The following CIP2A variants were observed in gnomAD, a reference collection of about 807,000 sequenced individuals.
The protein encoded by CIP2A is protein CIP2A.
Under a neutral mutation model 110.9 loss-of-function variants are expected in CIP2A, and 103 were observed. The observed-to-expected ratio is 0.93, with a 90% confidence interval of 0.79 to 1.09. The LOEUF (loss-of-function observed/expected upper bound fraction) is 1.09, where lower values mean the gene tolerates loss of function less well. Among genes scored for constraint, CIP2A ranks in the 50% least tolerant of loss-of-function variants. The probability of loss-of-function intolerance (pLI) is 0.00; values close to 1 mark genes in which losing one functional copy is unlikely to be tolerated. For missense variants in CIP2A, 1,088 were observed against 1,038.4 expected, an observed-to-expected ratio of 1.05 and a Z score of -0.66; for synonymous variants, 381 against 361.6, an observed-to-expected ratio of 1.05 and a Z score of -0.61.
chr3:108,579,295 A>T lies in CIP2A; in HGVS notation c.804T>A (p.Ala268=). Residue 268 remains alanine (A), a synonymous_variant, in exon 7 of 21, where the codon GCT becomes GCA. Coordinates refer to ENST00000295746, the MANE Select transcript of CIP2A (RefSeq NM_020890.3). ...GTGAGTCATACCTGGTGAGATAATC[A>T]GCAATTTTAGGATTCTTAAGGAGAT... ...LMDLLKNPKI[A]DYLTRYEHFS... 1 of 1,609,530 alleles carries T rather than the reference A, an allele frequency of 6.2e-7. No homozygotes were observed. Among genetic ancestry groups the T allele is most frequent in the South Asian group, 1.1e-5 (1 of 90,328 alleles).
At chr3:108,589,188 G>C (rs1289931590) in intron 1 of CIP2A, 86 bp downstream of exon 1, 11 of 970,400 alleles carry the variant, frequency 1.1e-5, no homozygotes, top group African/African-American at 1.1e-4. Context: ...TTCTTTCCCA[G>C]GCTGGGGCCG....
chr3:108,566,965 A>G (rs1054790649), intron 10 of CIP2A, among the ~76,000 whole-genome samples: 3 of 151,854 alleles, frequency 2.0e-5, no homozygotes, highest in African/African-American at 7.2e-5. Context: ...TCATATTTGT[A>G]TATTATAAAT....
chr3:108,565,210 T>G (rs1396973963), intron 12 of CIP2A, 145 bp downstream of exon 12: 1 of 525,568 alleles, frequency 1.9e-6, no homozygotes, highest in African/African-American at 2.0e-5. Context: ...CTATTATAAC[T>G]GCTTAAGACA....
chr3:108,550,704 TCTTTTTACTTTA>T lies in CIP2A; in HGVS notation c.*433_*444del, dbSNP rs1395670247. On this transcript the variant is annotated 3_prime_UTR_variant, in exon 21 of 21. Coordinates refer to ENST00000295746, the MANE Select transcript of CIP2A (RefSeq NM_020890.3). ...TCTAGCAGTAAAATCATACCTTCTC[TCTTTTTACTTTA>T]CTTTTTACTTTTACTCTCTCTATAT... is the stretch of plus-strand genomic sequence containing the variant. The T allele has an allele frequency of 2.6e-5, 4 of 151,940 alleles. No homozygotes were observed. The highest frequency in any genetic ancestry group is 9.7e-5 in the African/African-American group (4 of 41,450). The allele number at this position is 151,940 out of a possible 1,614,324, so 9.4% of individuals were successfully genotyped here.
At position 108,585,075 on chromosome 3, in the gene CIP2A, C is replaced by G. The variant is rs761034698; in HGVS notation, c.240G>C (p.Leu80=). The part of the protein sequence containing the change: ...ASLILSIIGL[L]SQLAVDIETR... ...AATTAAATGCATTACCTAGTTGAGA[C>G]AGCAAACCGATAATACTTAAGATCA... The change falls in exon 2 of 21, where the codon CTG becomes CTC. Residue 80 remains leucine, a synonymous_variant. Transcript: ENST00000295746. 3 of 1,610,560 alleles carry G rather than the reference C, an allele frequency of 1.9e-6. No individual in the cohort carries two copies. Among genetic ancestry groups the G allele is most frequent in the Admixed American group, 1.7e-5 (1 of 59,410 alleles).
intron 5 of CIP2A, 38 bp from the exon 6 acceptor site, chr3:108,579,726 A>G: frequency 7.3e-7 from 1 of 1,365,000 alleles, no homozygotes; most frequent in Non-Finnish European, 9.9e-7. Context: ...TTAGAATTAT[A>G]AATTTTATGT....
At position 108,566,634 on chromosome 3, in the gene CIP2A, G is replaced by A. The variant is rs1325737538; in HGVS notation, c.1278C>T (p.Leu426=). The A allele has an allele frequency of 3.8e-6, 6 of 1,579,050 alleles. No homozygotes were observed. The African/African-American group carries it at 8.2e-5, about 22-fold the overall frequency. Residue 426 remains leucine (L), a synonymous_variant, in exon 11 of 21, where the codon CTC becomes CTT. Coordinates refer to ENST00000295746, the MANE Select transcript of CIP2A (RefSeq NM_020890.3). Reference sequence around the variant, plus strand: ...GCATTTTTAGTGTATCATCTCCACAGAGAGGTTAAGTTTTGTTAAGATATA... The same window carrying A: ...GCATTTTTAGTGTATCATCTCCACAAAGAGGTTAAGTTTTGTTAAGATATA... ...IAKAIEVLLT[L]CGDDTLKMHI... is the part of the protein sequence containing the mutation.
At chr3:108,585,712 A>G (rs1345541837) in intron 1 of CIP2A, 3 of 456,604 alleles carry the variant, frequency 6.6e-6, no homozygotes, top group South Asian at 4.6e-5. Context: ...TAGTTATGGG[A>G]TTATTCCTTC....
chr3:108,554,176 G>T (rs62266392), intron 18 of CIP2A, among the ~76,000 whole-genome samples, 200 bp downstream of exon 18: 3 of 151,986 alleles, frequency 2.0e-5, no homozygotes, highest in African/African-American at 7.2e-5. Flanking sequence ...GATTATAGGC[G>T]TGAGCTACCA....
chr3:108,553,651 C>A lies in CIP2A; in HGVS notation c.2404G>T (p.Ala802Ser). Residue 802 changes from alanine (A) to serine (S), a missense_variant, in exon 19 of 21, where the codon GCA becomes TCA. Ala to Ser is a moderately conservative substitution (Grantham distance 99). Coordinates refer to ENST00000295746, the MANE Select transcript of CIP2A (RefSeq NM_020890.3). ...TATTAAATAAGAAGCCACTTACTTG[C>A]TAGCTTATGTTCTCTGTCTACTAGC... ...NQLVDREHKL[A>S]NLHQKTKVQE... 1 of 1,556,092 alleles carries A rather than the reference C, an allele frequency of 6.4e-7. No individual in the cohort carries two copies. The highest frequency in any genetic ancestry group is 8.8e-7 in the Non-Finnish European group (1 of 1,133,084).
chr3:108,556,455 T>G (rs975154068), intron 17 of CIP2A, among the ~76,000 whole-genome samples: 1 of 152,116 alleles, frequency 6.6e-6, no homozygotes, highest in Non-Finnish European at 1.5e-5. Flanking sequence ...ACTTTGCTAG[T>G]AGGCACACAA....
intron 12 of CIP2A, among the ~76,000 whole-genome samples, chr3:108,564,430 A>T (rs1938112335): frequency 6.6e-6 from 1 of 151,962 alleles, no homozygotes; most frequent in Admixed American, 6.6e-5. Context: ...CATCTGTTGT[A>T]AAGGTAGGTG....
chr3:108,554,122 C>A (rs1462197503), intron 18 of CIP2A, among the ~76,000 whole-genome samples: 3 of 151,934 alleles, frequency 2.0e-5, no homozygotes, highest in Non-Finnish European at 2.9e-5. Flanking sequence ...TCTCAAACTC[C>A]TGACCTCATG....
chr3:108,584,940 G>T, intron 2 of CIP2A, 125 bp downstream of exon 2: 1 of 766,122 alleles, frequency 1.3e-6, no homozygotes, highest in Non-Finnish European at 2.0e-6. Context: ...GATTCACAAT[G>T]CACACTAGAC....
In CIP2A at chr3:108,566,685, G is replaced by A. The variant is rs117871751; in HGVS notation, c.1274-47C>T. The A allele has an allele frequency of 2.4e-4, 298 of 1,242,892 alleles. 4 individuals are homozygous for A. The East Asian group carries it at 6.9e-3, about 29-fold the overall frequency. The allele number at this position is 1,242,892 out of a possible 1,614,324, so 77.0% of individuals were successfully genotyped here. A position where few individuals can be genotyped will look rare whatever the true frequency, so the allele number is the denominator to read the frequency against. The stretch of plus-strand genomic sequence containing the variant: ...CAACAAAAAAATTCTCACTTTATGT[G>A]TAAAAGATAACATTCAGGATGATTT... On this transcript the variant is annotated intron_variant, in intron 10 of 20. Coordinates refer to ENST00000295746, the MANE Select transcript of CIP2A (RefSeq NM_020890.3).
At chr3:108,585,329 A>T in intron 1 of CIP2A, 117 bp from the exon 2 acceptor site, 1 of 901,420 alleles carries the variant, frequency 1.1e-6, no homozygotes. Context: ...CAATTTAAAA[A>T]ATTCACACAT....
chr3:108,560,163 G>A (rs1054811850), intron 14 of CIP2A, 135 bp from the exon 15 acceptor site: 2 of 594,400 alleles, frequency 3.4e-6, no homozygotes, highest in Non-Finnish European at 3.0e-6. Flanking sequence ...GCTACATCAG[G>A]TAAGTCACAA....
At chr3:108,564,211 G>C (rs966448844) in intron 12 of CIP2A, among the ~76,000 whole-genome samples, 1 of 151,890 alleles carries the variant, frequency 6.6e-6, no homozygotes, top group African/African-American at 2.4e-5. Flanking sequence ...TTGTAGTCGA[G>C]GAAATTGAAG....
At position 108,568,174 on chromosome 3, in the gene CIP2A, C is replaced by T; in HGVS notation, c.1254G>A (p.Lys418=). 1 of 1,611,736 alleles carries T rather than the reference C, an allele frequency of 6.2e-7. No homozygotes were observed. Among genetic ancestry groups the T allele is most frequent in the Non-Finnish European group, 8.5e-7 (1 of 1,178,464 alleles). The change falls in exon 10 of 21, where the codon AAG becomes AAA. Residue 418 remains lysine (K), a synonymous_variant. Coordinates refer to ENST00000295746, the MANE Select transcript of CIP2A (RefSeq NM_020890.3). ...LTRKKCERIA[K]AIEVLLTLCG... ...GGATATTTAACAAAACTTCAATGGC[C>T]TTGGCAATCCTTTCACATTTTTTTC... is the stretch of plus-strand genomic sequence containing the variant.
Sources: gnomAD v4.1 joint callset for allele counts (sites outside exome capture counted in the v4.1 genomes callset) on GRCh38, gnomAD v4.1.1 for gene constraint, MANE v1.5 for transcripts, NCBI Gene and HGNC (gene_info 2026-07-23, HGNC 2026-07-21) for gene names.